SCAF11: variants seen among roughly 807,000 people sequenced by gnomAD.
SCAF11 encodes SR-related CTD associated factor 11.
Under a neutral mutation model 140.5 loss-of-function variants are expected in SCAF11, and 47 were observed. The observed-to-expected ratio is 0.33, with a 90% confidence interval of 0.26 to 0.43. SCAF11 has a LOEUF of 0.43. Among genes scored for constraint, SCAF11 ranks in the 20% least tolerant of loss-of-function variants. The pLI, the probability that SCAF11 is intolerant of heterozygous loss-of-function variation, is 1.00. For missense variants in SCAF11, 1,645 were observed against 1,705.1 expected (o/e 0.96, Z 0.62); for synonymous variants, 557 against 579.4 (o/e 0.96, Z 0.55).
At chr12:45,941,016 T>G (rs953244976) in intron 6 of SCAF11, among the ~76,000 whole-genome samples, 1 of 152,112 alleles carries the variant, frequency 6.6e-6, no homozygotes, top group Non-Finnish European at 1.5e-5. Flanking sequence ...GTTGCCTCAA[T>G]CTTATTTCTG....
intron 1 of SCAF11, among the ~76,000 whole-genome samples, chr12:45,967,116 A>G (rs1244291285): frequency 6.6e-6 from 1 of 152,090 alleles, no homozygotes; most frequent in Non-Finnish European, 1.5e-5. Context: ...AGTGGGGTGC[A>G]TTGGTATATG....
chr12:45,936,610 G>T (rs997953876), intron 6 of SCAF11, among the ~76,000 whole-genome samples: 1 of 151,964 alleles, frequency 6.6e-6, no homozygotes, highest in Non-Finnish European at 1.5e-5. Flanking sequence ...CACTCTCCTG[G>T]CAAAACTCTT....
At chr12:45,983,884 G>A (rs1039262858) in intron 1 of SCAF11, among the ~76,000 whole-genome samples, 3 of 151,950 alleles carry the variant, frequency 2.0e-5, no homozygotes, top group Non-Finnish European at 4.4e-5. Context: ...GGATAAAAAA[G>A]GAAGAAGTTT....
At chr12:45,953,794 A>C in intron 3 of SCAF11, 1 of 558,960 alleles carries the variant, frequency 1.8e-6, no homozygotes, top group Non-Finnish European at 2.9e-6. Context: ...TGCCTCAGTA[A>C]CCTTATTTGT....
chr12:45,978,728 TG>T (rs1200000300), intron 1 of SCAF11, among the ~76,000 whole-genome samples: 3 of 152,110 alleles, frequency 2.0e-5, no homozygotes, highest in African/African-American at 7.2e-5. Flanking sequence ...CTTCAACACT[TG>T]GTGTACCCTG....
At chr12:45,938,073 C>T (rs1175947637) in intron 6 of SCAF11, among the ~76,000 whole-genome samples, 1 of 152,212 alleles carries the variant, frequency 6.6e-6, no homozygotes, top group Admixed American at 6.5e-5. Context: ...TATGTATCAG[C>T]TTTCTGCTAA....
chr12:45,990,717 G>T, upstream of SCAF11: 2 of 611,246 alleles, frequency 3.3e-6, no homozygotes, highest in Non-Finnish European at 4.6e-6. Context: ...CGCTCGCTCT[G>T]GCCCTGAGTG....
At chr12:45,963,355 G>T (rs1273192644) in intron 2 of SCAF11, among the ~76,000 whole-genome samples, 1 of 151,756 alleles carries the variant, frequency 6.6e-6, no homozygotes. Flanking sequence ...GCAGAAAATT[G>T]GAAAAGACAG....
chr12:45,943,308 G>C (rs1945348075), intron 6 of SCAF11, among the ~76,000 whole-genome samples: 1 of 152,080 alleles, frequency 6.6e-6, no homozygotes, highest in Admixed American at 6.6e-5. Flanking sequence ...GAAAATTCCA[G>C]ATACAAACAA....
Position 45,919,674 on chromosome 12 carries a change from A to G in SCAF11, c.*2374T>C, listed in dbSNP as rs1312376492. On this transcript the variant is annotated 3_prime_UTR_variant, in exon 15 of 15. Coordinates refer to ENST00000369367, the MANE Select transcript of SCAF11 (RefSeq NM_004719.3). ...CATTCTTAAACATTTCAAAATTTTAAAAGTTCGAATTCTAATCAAGTAGCT... is the reference window on the plus strand; with the variant it reads ...CATTCTTAAACATTTCAAAATTTTAGAAGTTCGAATTCTAATCAAGTAGCT... 2 of 152,232 alleles carry G rather than the reference A, an allele frequency of 1.3e-5. No homozygotes were observed. Among genetic ancestry groups the G allele is most frequent in the East Asian group, 1.9e-4 (1 of 5,196 alleles). 9.4% of individuals were successfully genotyped at this position (152,232 alleles called of 1,614,324 possible).
chr12:45,991,417 C>T (rs896496429), upstream of SCAF11, among the ~76,000 whole-genome samples: 2 of 152,150 alleles, frequency 1.3e-5, no homozygotes, highest in African/African-American at 4.8e-5. Flanking sequence ...ATAAAATTAA[C>T]CGGCCGTGGT....
At chr12:45,989,517 G>A (rs189896273) in intron 1 of SCAF11, among the ~76,000 whole-genome samples, 18 of 152,352 alleles carry the variant, frequency 1.2e-4, no homozygotes, top group African/African-American at 4.3e-4. Flanking sequence ...ATCCGTGAAT[G>A]TCTAAATCAA....
At chr12:45,933,735 C>T (rs1945108176) in intron 8 of SCAF11, among the ~76,000 whole-genome samples, 1 of 152,214 alleles carries the variant, frequency 6.6e-6, no homozygotes, top group Non-Finnish European at 1.5e-5. Flanking sequence ...GCTGCTGGCT[C>T]AACTAACTGT....
At chr12:45,982,115 T>C (rs555024684) in intron 1 of SCAF11, among the ~76,000 whole-genome samples, 1 of 152,306 alleles carries the variant, frequency 6.6e-6, no homozygotes, top group South Asian at 2.1e-4. Flanking sequence ...TTATATCTAG[T>C]TCTGTGGCAG....
At chr12:45,965,770 A>T (rs181864537) in intron 1 of SCAF11, among the ~76,000 whole-genome samples, 5 of 152,324 alleles carry the variant, frequency 3.3e-5, no homozygotes, top group Non-Finnish European at 7.4e-5. Flanking sequence ...TTAATTTCTA[A>T]AATAATTTAC....
Position 45,920,788 on chromosome 12 carries a change from A to G in SCAF11, c.*1260T>C, listed in dbSNP as rs1044431205. The stretch of plus-strand genomic sequence containing the variant: ...ATTGTAAAGCATTTGGGGATTTTCA[A>G]GTGTGAAAATATTTCATCAGTGATT... On this transcript the variant is annotated 3_prime_UTR_variant, in exon 15 of 15. Transcript: ENST00000369367. 6 of 152,710 alleles carry G rather than the reference A, an allele frequency of 3.9e-5. No individual in the cohort carries two copies. In the East Asian group the frequency reaches 1.2e-3, roughly 29 times the overall value. The allele number at this position is 152,710 out of a possible 1,614,324, so 9.5% of individuals were successfully genotyped here.
Position 45,927,679 on chromosome 12 carries a change from G to T in SCAF11, c.2022C>A (p.Asn674Lys), listed in dbSNP as rs1345845334. The change falls in exon 11 of 15, where the codon AAC becomes AAA. Residue 674 changes from asparagine (N) to lysine (K), a missense_variant. By Grantham distance (94) the Asn-to-Lys change is moderately conservative. Transcript: ENST00000369367. Reference sequence around the variant, plus strand: ...CTTCTAAAGATTTTTCCAATTTGGTGTTCAGAAGATTATTTTTTAGTAAGT... The same window carrying T: ...CTTCTAAAGATTTTTCCAATTTGGTTTTCAGAAGATTATTTTTTAGTAAGT... ...ENNLLKNNLL[N>K]TKLEKSLEEK... is the part of the protein sequence containing the mutation. The T allele has an allele frequency of 6.2e-7, 1 of 1,611,852 alleles. No homozygotes were observed. The highest frequency in any genetic ancestry group is 2.2e-5 in the East Asian group (1 of 44,842).
At position 45,920,621 on chromosome 12, in the gene SCAF11, C is replaced by T. The variant is rs1944683853; in HGVS notation, c.*1427G>A. 6.7e-6 allele frequency: 1 copy of T among 150,288 alleles called. No individual in the cohort carries two copies. The highest frequency in any genetic ancestry group is 2.5e-5 in the African/African-American group (1 of 40,810). The allele number at this position is 150,288 out of a possible 1,614,324, so 9.3% of individuals were successfully genotyped here. On this transcript the variant is annotated 3_prime_UTR_variant, in exon 15 of 15. Coordinates refer to ENST00000369367, the MANE Select transcript of SCAF11 (RefSeq NM_004719.3). ...TATTAAAAAGAGAAAAAAAAAAAAACCCAAATCCCTAATCCCTGAAAGGCT... is the reference window on the plus strand; with the variant it reads ...TATTAAAAAGAGAAAAAAAAAAAAATCCAAATCCCTAATCCCTGAAAGGCT...
chr12:45,953,238 G>A (rs981718465), intron 3 of SCAF11, among the ~76,000 whole-genome samples: 2 of 152,194 alleles, frequency 1.3e-5, no homozygotes, highest in Non-Finnish European at 2.9e-5. Context: ...CAGCAACAAA[G>A]AAGTTCATAT....
Sources: gnomAD v4.1 joint callset for allele counts (sites outside exome capture counted in the v4.1 genomes callset) on GRCh38, gnomAD v4.1.1 for gene constraint, MANE v1.5 for transcripts, NCBI Gene and HGNC (gene_info 2026-07-23, HGNC 2026-07-21) for gene names.